The following PRKCB variants were observed in gnomAD, a reference collection of about 807,000 sequenced individuals.
PRKCB encodes the protein protein kinase C beta.
A neutral mutation model predicts 81.5 loss-of-function variants in PRKCB; 13 were observed. That is an observed-to-expected ratio of 0.16 (90% CI 0.10 to 0.25). PRKCB has a LOEUF of 0.25. PRKCB is among the 10% of genes least tolerant of loss of function. The probability of loss-of-function intolerance (pLI) is 1.00; values close to 1 mark genes in which losing one functional copy is unlikely to be tolerated. For synonymous variants in PRKCB, 335 were observed against 321.4 expected, an observed-to-expected ratio of 1.04 and a Z score of -0.45; for missense variants, 509 against 875.7, an observed-to-expected ratio of 0.58 and a Z score of 5.29.
At chr16:24,142,498 T>C (rs1399621909) in intron 9 of PRKCB, among the ~76,000 whole-genome samples, 2 of 152,190 alleles carry the variant, frequency 1.3e-5, no homozygotes, top group Admixed American at 1.3e-4. Context: ...TGATGGCCTC[T>C]AGCCAGCTTT....
At chr16:23,917,120 C>T (rs571544409) in intron 2 of PRKCB, among the ~76,000 whole-genome samples, 136 of 152,238 alleles carry the variant, frequency 8.9e-4, no homozygotes, top group Non-Finnish European at 1.7e-3. Context: ...CAGAGTCTCG[C>T]TCTGTTGCCC....
At chr16:23,956,306 G>T (rs1034861889) in intron 2 of PRKCB, among the ~76,000 whole-genome samples, 2 of 151,186 alleles carry the variant, frequency 1.3e-5, no homozygotes, top group African/African-American at 4.9e-5. Context: ...TTTTTTTTTT[G>T]TAGAGATGGG....
At chr16:23,982,592 G>A (rs1964753076) in intron 2 of PRKCB, among the ~76,000 whole-genome samples, 1 of 151,698 alleles carries the variant, frequency 6.6e-6, no homozygotes, top group Admixed American at 6.6e-5. Context: ...ACCAAGCCTG[G>A]CTAATTTTAA....
At chr16:24,204,010 G>C (rs939082118) in intron 16 of PRKCB, among the ~76,000 whole-genome samples, 1 of 151,936 alleles carries the variant, frequency 6.6e-6, no homozygotes, top group Admixed American at 6.6e-5. Flanking sequence ...TTGTAATTGG[G>C]ATGGGAATAT....
chr16:24,070,822 C>T (rs564874061), intron 5 of PRKCB, among the ~76,000 whole-genome samples: 2 of 152,306 alleles, frequency 1.3e-5, no homozygotes, highest in South Asian at 4.1e-4. Flanking sequence ...GTCATAGTCC[C>T]TTCCCTTAAG....
chr16:23,982,052 T>C (rs1307696007), intron 2 of PRKCB, among the ~76,000 whole-genome samples: 13 of 105,540 alleles, frequency 1.2e-4, no homozygotes, highest in Non-Finnish European at 1.8e-4. Context: ...TCCCCTTCCC[T>C]TTCCCTTCCC....
At chr16:23,931,587 G>C (rs1198363603) in intron 2 of PRKCB, among the ~76,000 whole-genome samples, 2 of 152,130 alleles carry the variant, frequency 1.3e-5, no homozygotes, top group Non-Finnish European at 2.9e-5. Context: ...GGAGAGAAGC[G>C]AGAGGACAGG....
chr16:24,157,571 C>T (rs980889974), intron 10 of PRKCB, among the ~76,000 whole-genome samples: 3 of 151,700 alleles, frequency 2.0e-5, no homozygotes, highest in African/African-American at 7.3e-5. Flanking sequence ...AATTAAACCC[C>T]TTTCCTTTAT....
At chr16:23,842,194 T>G (rs1322476849) in intron 2 of PRKCB, among the ~76,000 whole-genome samples, 1 of 152,172 alleles carries the variant, frequency 6.6e-6, no homozygotes, top group Non-Finnish European at 1.5e-5. Flanking sequence ...TATGTATCTC[T>G]GATGGAGCCG....
At chr16:24,107,775 C>T (rs916044290) in intron 7 of PRKCB, among the ~76,000 whole-genome samples, 1 of 152,140 alleles carries the variant, frequency 6.6e-6, no homozygotes, top group Non-Finnish European at 1.5e-5. Context: ...GCAACCCTCA[C>T]CCGGTCATTG....
intron 16 of PRKCB, among the ~76,000 whole-genome samples, chr16:24,209,210 G>A (rs1220624620): frequency 3.9e-5 from 6 of 152,266 alleles, no homozygotes; most frequent in African/African-American, 1.2e-4. Flanking sequence ...CCAACACCCA[G>A]GCCAAAGAAA....
intron 5 of PRKCB, among the ~76,000 whole-genome samples, chr16:24,077,749 T>A (rs1463512111): frequency 2.0e-5 from 3 of 152,184 alleles, no homozygotes; most frequent in African/African-American, 7.2e-5. Context: ...TGAACAACAG[T>A]AGGAGAAACA....
At chr16:24,187,274 CTG>C (rs772405644) in intron 15 of PRKCB, among the ~76,000 whole-genome samples, 3 of 152,224 alleles carry the variant, frequency 2.0e-5, no homozygotes, top group Admixed American at 6.5e-5. Flanking sequence ...AGCTTGCCCT[CTG>C]TAATTCTCAG....
chr16:24,147,465 T>C (rs1330310332), intron 9 of PRKCB, among the ~76,000 whole-genome samples: 1 of 151,984 alleles, frequency 6.6e-6, no homozygotes, highest in African/African-American at 2.4e-5. Context: ...GTAGACCTGA[T>C]GGAAGAACTG....
chr16:24,125,686 C>T (rs144278754), intron 9 of PRKCB, among the ~76,000 whole-genome samples: 21 of 152,254 alleles, frequency 1.4e-4, no homozygotes, highest in African/African-American at 4.3e-4. Flanking sequence ...GGATCTTCTC[C>T]GTCGTGGTCG....
chr16:24,142,918 G>GC (rs1966923873), intron 9 of PRKCB, among the ~76,000 whole-genome samples: 1 of 152,028 alleles, frequency 6.6e-6, no homozygotes, highest in African/African-American at 2.4e-5. Context: ...CCACAAACCT[G>GC]CTCCCTAGTG....
At chr16:24,039,507 G>A (rs563301863) in intron 5 of PRKCB, among the ~76,000 whole-genome samples, 57 of 152,344 alleles carry the variant, frequency 3.7e-4, no homozygotes, top group African/African-American at 1.3e-3. Context: ...TGGGATTACA[G>A]GCGTGAGCCA....
At position 24,133,865 on chromosome 16, in the gene PRKCB, G is replaced by A. The variant is rs372914247; in HGVS notation, c.1065+9884G>A. Among the ~76,000 whole-genome samples, 84 of 151,898 alleles carry A rather than the reference G, an allele frequency of 5.5e-4. 2 individuals are homozygous for A. The South Asian group carries it at 0.017, about 30-fold the overall frequency. ...CTCTTGCCATCTCTTCTCCACTTTG[G>A]GGTCCACACATCTTCCCAAACCCCT... On this transcript the variant is annotated intron_variant, in intron 9 of 16. Coordinates refer to ENST00000643927, the MANE Select transcript of PRKCB (RefSeq NM_002738.7).
At chr16:23,937,863 G>A (rs1360396853) in intron 2 of PRKCB, among the ~76,000 whole-genome samples, 1 of 152,236 alleles carries the variant, frequency 6.6e-6, no homozygotes, top group Non-Finnish European at 1.5e-5. Flanking sequence ...AGTGGTTTGT[G>A]TAGGGAACTG....
Sources: gnomAD v4.1 joint callset for allele counts (sites outside exome capture counted in the v4.1 genomes callset) on GRCh38, gnomAD v4.1.1 for gene constraint, MANE v1.5 for transcripts, NCBI Gene and HGNC (gene_info 2026-07-23, HGNC 2026-07-21) for gene names.